The following SLC35F4 variants were observed in gnomAD, a reference collection of about 807,000 sequenced individuals.
SLC35F4 encodes the protein chromosome 14 open reading frame 36.
In SLC35F4, 24 loss-of-function variants were observed where a neutral mutation model predicts 44.2. That is an observed-to-expected ratio of 0.54 (90% CI 0.39 to 0.76). SLC35F4 has a LOEUF of 0.76. Ranked by LOEUF, SLC35F4 falls within the 30% of genes least tolerant of loss-of-function variation. The pLI, the probability that SLC35F4 is intolerant of heterozygous loss-of-function variation, is 0.00. For missense variants in SLC35F4, 562 were observed against 586.1 expected, an observed-to-expected ratio of 0.96 and a Z score of 0.42; for synonymous variants, 238 against 223.6, an observed-to-expected ratio of 1.06 and a Z score of -0.57.
chr14:57,646,926 G>A (rs2140183544), intron 1 of SLC35F4, among the ~76,000 whole-genome samples: 1 of 152,296 alleles, frequency 6.6e-6, no homozygotes, highest in Admixed American at 6.5e-5. Flanking sequence ...ATGTAGTTGA[G>A]CGGTTTTGAG....
chr14:57,792,655 T>C (rs1473552829), intron 1 of SLC35F4, among the ~76,000 whole-genome samples: 1 of 152,218 alleles, frequency 6.6e-6, no homozygotes, highest in African/African-American at 2.4e-5. Context: ...GAGACCATTA[T>C]TCTAAGTGAA....
intron 1 of SLC35F4, among the ~76,000 whole-genome samples, chr14:57,960,775 A>T (rs1218671219): frequency 6.6e-6 from 1 of 152,198 alleles, no homozygotes; most frequent in Non-Finnish European, 1.5e-5. Context: ...TCAAGGAGCC[A>T]TTAGAGTGAG....
At chr14:57,782,769 T>C (rs2077655953) in intron 1 of SLC35F4, among the ~76,000 whole-genome samples, 1 of 152,204 alleles carries the variant, frequency 6.6e-6, no homozygotes, top group South Asian at 2.1e-4. Flanking sequence ...CATTTTGCAA[T>C]GTGTTTAGTG....
At chr14:57,865,647 G>T (rs963585362) in intron 1 of SLC35F4, 76 bp downstream of exon 1, 161 of 1,278,702 alleles carry the variant, frequency 1.3e-4, no homozygotes, top group Admixed American at 3.3e-4. Context: ...GCGCCCGCCC[G>T]TCCGCATCCC....
chr14:57,787,249 A>C (rs995487888), intron 1 of SLC35F4, among the ~76,000 whole-genome samples: 29 of 152,174 alleles, frequency 1.9e-4, no homozygotes, highest in Non-Finnish European at 2.2e-4. Context: ...AAAGCCTCTA[A>C]GTAGTCTGGG....
intron 1 of SLC35F4, among the ~76,000 whole-genome samples, chr14:57,798,700 T>A (rs1165866421): frequency 1.3e-5 from 2 of 152,196 alleles, no homozygotes; most frequent in African/African-American, 4.8e-5. Flanking sequence ...TTATAGGAAA[T>A]GTGCACATAT....
chr14:57,981,994 G>A (rs1881396340), exon 1 of SLC35F4: 1 of 152,042 alleles, frequency 6.6e-6, no homozygotes. Context: ...GTGCTTTCTT[G>A]AGCTTCCACC....
chr14:57,827,950 GT>G (rs1392526919), intron 1 of SLC35F4, among the ~76,000 whole-genome samples: 7 of 152,130 alleles, frequency 4.6e-5, no homozygotes, highest in Non-Finnish European at 8.8e-5. Context: ...ATCTACATTT[GT>G]TTTGGTCATG....
intron 1 of SLC35F4, among the ~76,000 whole-genome samples, chr14:57,915,656 C>A (rs527575350): frequency 7.4e-6 from 1 of 135,868 alleles, no homozygotes; most frequent in South Asian, 2.3e-4. Flanking sequence ...CAGCCACGGT[C>A]TTTGCCACAT....
At chr14:57,787,749 A>G (rs551883743) in intron 1 of SLC35F4, among the ~76,000 whole-genome samples, 8 of 152,318 alleles carry the variant, frequency 5.3e-5, no homozygotes, top group African/African-American at 1.9e-4. Context: ...CAAGAATTGC[A>G]AAAAGGAGCT....
chr14:57,724,533 A>G (rs924321558), intron 1 of SLC35F4, among the ~76,000 whole-genome samples: 2 of 152,190 alleles, frequency 1.3e-5, no homozygotes, highest in Admixed American at 1.3e-4. Context: ...GCAGCATTCC[A>G]TCATCAAATT....
chr14:57,617,656 G>A (rs1595063918), intron 1 of SLC35F4, among the ~76,000 whole-genome samples: 1 of 152,246 alleles, frequency 6.6e-6, no homozygotes, highest in South Asian at 2.1e-4. Context: ...CAGAAAGCTG[G>A]CAATTGCAAT....
At chr14:57,768,749 GT>G (rs148818868) in intron 1 of SLC35F4, among the ~76,000 whole-genome samples, 103 of 147,262 alleles carry the variant, frequency 7.0e-4, no homozygotes, top group Admixed American at 2.0e-3. Context: ...TGGGTTCTTG[GT>G]TTTTTTTTTT....
chr14:57,759,143 T>A (rs879675599), intron 1 of SLC35F4, among the ~76,000 whole-genome samples: 9 of 152,220 alleles, frequency 5.9e-5, no homozygotes, highest in Non-Finnish European at 1.2e-4. Context: ...GATGGACATT[T>A]AGATTGCTTT....
intron 1 of SLC35F4, among the ~76,000 whole-genome samples, chr14:57,684,877 G>A (rs146457111): frequency 7.9e-5 from 12 of 152,128 alleles, no homozygotes; most frequent in African/African-American, 1.9e-4. Flanking sequence ...GAGGGATAGC[G>A]TTGGTAGGTA....
intron 1 of SLC35F4, among the ~76,000 whole-genome samples, chr14:57,622,856 A>G (rs888635457): frequency 6.6e-6 from 1 of 151,952 alleles, no homozygotes; most frequent in Admixed American, 6.6e-5. Context: ...AATTAAAAAA[A>G]CCCCACCAAA....
intron 1 of SLC35F4, among the ~76,000 whole-genome samples, chr14:57,727,115 C>CCA (rs200050738): frequency 1.8e-5 from 1 of 56,596 alleles, no homozygotes; most frequent in Non-Finnish European, 4.1e-5. Flanking sequence ...TTAATAAGCT[C>CCA]ATATATATAT....
chr14:57,947,143 T>A (rs1890049794), intron 1 of SLC35F4, among the ~76,000 whole-genome samples: 1 of 152,204 alleles, frequency 6.6e-6, no homozygotes, highest in Non-Finnish European at 1.5e-5. Context: ...GTTTGTATCA[T>A]TTATGATTTC....
At chr14:57,978,070 T>C (rs10151325) in intron 1 of SLC35F4, among the ~76,000 whole-genome samples, 73,904 of 152,004 alleles carry the variant, frequency 0.49, 19,809 homozygotes, top group East Asian at 0.78. Context: ...CTTTGTATCG[T>C]GCATTCATGC....
Sources: allele counts gnomAD v4.1 joint callset (sites outside exome capture counted in the v4.1 genomes callset), GRCh38; gene constraint gnomAD v4.1.1; transcripts MANE v1.5; gene names NCBI Gene and HGNC (gene_info 2026-07-23, HGNC 2026-07-21).